KAZN: variants seen among roughly 807,000 people sequenced by gnomAD.
KAZN encodes the protein kazrin.
In KAZN, 40 loss-of-function variants were observed where a neutral mutation model predicts 87.4. The observed-to-expected ratio is 0.46, with a 90% CI of 0.36 to 0.60. The LOEUF (loss-of-function observed/expected upper bound fraction) is 0.60. Ranked by LOEUF, KAZN falls within the 20% of genes least tolerant of loss-of-function variation. The pLI is 0.00. For synonymous variants in KAZN, 466 were observed against 458.3 expected (o/e 1.02, Z -0.22); for missense variants, 898 against 1,073.9 (o/e 0.84, Z 2.29).
chr1:14,434,484 C>T (rs1666264326), intron 2 of KAZN, among the ~76,000 whole-genome samples: 1 of 152,226 alleles, frequency 6.6e-6, no homozygotes, highest in Admixed American at 6.5e-5. Flanking sequence ...TCCCATGACA[C>T]ATCATTTCTA....
At chr1:14,010,192 A>G (rs1640229650) in intron 1 of KAZN, among the ~76,000 whole-genome samples, 1 of 152,144 alleles carries the variant, frequency 6.6e-6, no homozygotes, top group Admixed American at 6.5e-5. Context: ...GGTGCACATT[A>G]AAGTAAATGC....
intron 2 of KAZN, among the ~76,000 whole-genome samples, chr1:14,268,159 G>T (rs1316695975): frequency 6.6e-6 from 1 of 152,176 alleles, no homozygotes; most frequent in Non-Finnish European, 1.5e-5. Flanking sequence ...ACACCTTGAG[G>T]TTAGTGGCTA....
intron 1 of KAZN, among the ~76,000 whole-genome samples, chr1:14,914,552 A>G (rs1233082070): frequency 6.6e-6 from 1 of 152,194 alleles, no homozygotes; most frequent in Non-Finnish European, 1.5e-5. Context: ...TTTAAGCCTT[A>G]AAGGGACAGG....
chr1:14,979,357 C>T (rs1208964379), intron 2 of KAZN, among the ~76,000 whole-genome samples: 3 of 151,780 alleles, frequency 2.0e-5, no homozygotes, highest in Non-Finnish European at 2.9e-5. Context: ...TGCAGTGAGC[C>T]GAGATCGCAC....
At chr1:13,997,238 A>G (rs2359902) in intron 1 of KAZN, among the ~76,000 whole-genome samples, 22,222 of 152,104 alleles carry the variant, frequency 0.15, 1,729 homozygotes, top group Middle Eastern at 0.22. Context: ...CTCAAAGATC[A>G]AAACTAGACA....
chr1:14,427,211 T>C (rs939318534), intron 2 of KAZN, among the ~76,000 whole-genome samples: 1 of 152,190 alleles, frequency 6.6e-6, no homozygotes, highest in South Asian at 2.1e-4. Flanking sequence ...TCCTCAAGGC[T>C]GGGGTTCATG....
At position 14,669,246 on chromosome 1, in the gene KAZN, G is replaced by A. The variant is rs185935323; in HGVS notation, c.226+70023G>A. ...ATCTCCAGTCTGCTGAAAAGGGGCC[G>A]TCTGGGCTCTGGAGCTTTCCTGTGA... On this transcript the variant is annotated intron_variant, in intron 1 of 14. Coordinates refer to ENST00000376030, the MANE Select transcript of KAZN (RefSeq NM_201628.3). Among the ~76,000 whole-genome samples the A allele has an allele frequency of 1.4e-3, 220 of 152,254 alleles. 1 individual carries two copies. Among genetic ancestry groups the A allele is most frequent in the Admixed American group, 2.3e-3 (35 of 15,294 alleles).
At chr1:14,342,377 G>A (rs760629094) in intron 2 of KAZN, among the ~76,000 whole-genome samples, 1 of 152,192 alleles carries the variant, frequency 6.6e-6, no homozygotes, top group Non-Finnish European at 1.5e-5. Flanking sequence ...GGGTTGAATG[G>A]TATGTCTATT....
At chr1:14,379,397 T>C (rs1661181772) in intron 2 of KAZN, among the ~76,000 whole-genome samples, 1 of 152,052 alleles carries the variant, frequency 6.6e-6, no homozygotes, top group South Asian at 2.1e-4. Flanking sequence ...TCACCTTAGG[T>C]ACCTGCTCAG....
chr1:14,572,020 G>C (rs952953872), intron 2 of KAZN, among the ~76,000 whole-genome samples: 1 of 152,158 alleles, frequency 6.6e-6, no homozygotes, highest in Non-Finnish European at 1.5e-5. Flanking sequence ...ACAGGATCCA[G>C]CCAGTGCTAT....
chr1:14,899,916 G>A (rs1655671753), intron 1 of KAZN, among the ~76,000 whole-genome samples: 1 of 152,236 alleles, frequency 6.6e-6, no homozygotes, highest in African/African-American at 2.4e-5. Flanking sequence ...GCCAATGAAA[G>A]CTGGCGCATA....
chr1:14,776,933 CAAAA>C (rs56275592), intron 1 of KAZN, among the ~76,000 whole-genome samples: 30,373 of 112,998 alleles, frequency 0.27, 3,700 homozygotes, highest in Middle Eastern at 0.37. Flanking sequence ...TACCCTGTCT[CAAAA>C]AAAAAAAAAA....
chr1:13,940,749 T>C (rs1640898910), intron 1 of KAZN, among the ~76,000 whole-genome samples: 1 of 152,224 alleles, frequency 6.6e-6, no homozygotes, highest in Admixed American at 6.5e-5. Context: ...AAAAAATTTC[T>C]GCTGCTACCC....
At chr1:14,991,895 G>T (rs184063512) in intron 2 of KAZN, among the ~76,000 whole-genome samples, 52 of 152,342 alleles carry the variant, frequency 3.4e-4, no homozygotes, top group African/African-American at 1.2e-3. Context: ...TTCGACTGAG[G>T]AGTATCTGTG....
intron 2 of KAZN, among the ~76,000 whole-genome samples, chr1:14,340,052 A>T (rs948930500): frequency 6.6e-6 from 1 of 152,060 alleles, no homozygotes; most frequent in Non-Finnish European, 1.5e-5. Context: ...ACATTTACAT[A>T]TCTGGGTGTT....
intron 1 of KAZN, among the ~76,000 whole-genome samples, chr1:14,731,754 G>A (rs1425048525): frequency 2.0e-5 from 3 of 152,224 alleles, no homozygotes; most frequent in African/African-American, 7.2e-5. Flanking sequence ...GCCCTCTGCT[G>A]CACAGTGCCT....
chr1:14,330,591 G>C (rs1656774581), intron 2 of KAZN, among the ~76,000 whole-genome samples: 1 of 152,138 alleles, frequency 6.6e-6, no homozygotes, highest in African/African-American at 2.4e-5. Context: ...AGCCAGATTT[G>C]CCATCAGGGA....
At chr1:14,428,913 T>C (rs959949365) in intron 2 of KAZN, among the ~76,000 whole-genome samples, 6 of 151,930 alleles carry the variant, frequency 3.9e-5, no homozygotes, top group African/African-American at 1.5e-4. Flanking sequence ...CGTTTATATA[T>C]ATATATAGGC....
chr1:14,717,897 A>G (rs1642882984), intron 1 of KAZN, among the ~76,000 whole-genome samples: 1 of 152,198 alleles, frequency 6.6e-6, no homozygotes, highest in African/African-American at 2.4e-5. Context: ...CCGAAATCCA[A>G]GTTTGATGGC....
Sources: allele counts gnomAD v4.1 joint callset (sites outside exome capture counted in the v4.1 genomes callset), GRCh38; gene constraint gnomAD v4.1.1; transcripts MANE v1.5; gene names NCBI Gene and HGNC (gene_info 2026-07-23, HGNC 2026-07-21).